KIAA1671: variants seen among roughly 807,000 people sequenced by gnomAD.
KIAA1671 encodes KIAA1671.
In KIAA1671, 52 loss-of-function variants were observed where a neutral mutation model predicts 131.2. The ratio of observed to expected loss-of-function variants is 0.40; its 90% confidence interval spans 0.32 to 0.50. The LOEUF (loss-of-function observed/expected upper bound fraction) is 0.50. KIAA1671 is among the 20% of genes least tolerant of loss of function. The pLI is 0.73. For missense variants in KIAA1671, 2,360 were observed against 2,364.2 expected (o/e 1.00, Z 0.04); for synonymous variants, 1,003 against 961.6 (o/e 1.04, Z -0.80).
At chr22:25,074,391 G>T (rs1260172462) in intron 6 of KIAA1671, among the ~76,000 whole-genome samples, 1 of 149,934 alleles carries the variant, frequency 6.7e-6, no homozygotes, top group Non-Finnish European at 1.5e-5. Context: ...TGTAGTCCCA[G>T]CTACTCGGGA....
chr22:24,956,964 G>T (rs1921742956), intron 1 of KIAA1671, among the ~76,000 whole-genome samples: 1 of 152,018 alleles, frequency 6.6e-6, no homozygotes, highest in Non-Finnish European at 1.5e-5. Flanking sequence ...GTGGCCTTGG[G>T]CATGGTTATG....
intron 6 of KIAA1671, among the ~76,000 whole-genome samples, chr22:25,119,020 T>C (rs541828500): frequency 6.6e-6 from 1 of 152,308 alleles, no homozygotes; most frequent in East Asian, 1.9e-4. Context: ...TCTATACTTA[T>C]TTCATGTCAC....
At chr22:25,140,298 C>A (rs1284495772) in intron 6 of KIAA1671, among the ~76,000 whole-genome samples, 1 of 152,220 alleles carries the variant, frequency 6.6e-6, no homozygotes. Flanking sequence ...TGGGCTTTCT[C>A]ATGGCCATTT....
At chr22:25,077,706 A>C (rs561701713) in intron 6 of KIAA1671, among the ~76,000 whole-genome samples, 3 of 152,182 alleles carry the variant, frequency 2.0e-5, no homozygotes, top group Non-Finnish European at 4.4e-5. Context: ...GTCTCCCTGG[A>C]GATGGGAAAT....
chr22:25,112,634 A>C (rs962088981), intron 6 of KIAA1671: 1 of 379,268 alleles, frequency 2.6e-6, no homozygotes, highest in Non-Finnish European at 4.7e-6. Context: ...AGAGGCACGT[A>C]GCAATAATTC....
At chr22:25,117,325 T>G (rs568655897) in intron 6 of KIAA1671, among the ~76,000 whole-genome samples, 5 of 152,128 alleles carry the variant, frequency 3.3e-5, no homozygotes, top group African/African-American at 1.2e-4. Context: ...GCCCCATACT[T>G]TGTGAATGGA....
Position 25,190,713 on chromosome 22 carries a change from C to T in KIAA1671, c.5354C>T (p.Pro1785Leu), listed in dbSNP as rs1386614040. The change falls in exon 12 of 13, where the codon CCC becomes CTC. Residue 1785 changes from proline (P) to leucine (L), a missense_variant. Pro to Leu is a moderately conservative substitution (Grantham distance 98). Coordinates refer to ENST00000358431, the MANE Select transcript of KIAA1671 (RefSeq NM_001145206.2). Reference protein sequence around the residue: ...SMDKDERSDEPSPQWLKELKS... With the variant: ...SMDKDERSDELSPQWLKELKS... ...CTTTGTGGTTTCAGGTCGGATGAAC[C>T]CTCTCCCCAGTGGCTAAAGGAATTG... is the stretch of plus-strand genomic sequence containing the variant. The T allele has an allele frequency of 1.3e-6, 2 of 1,551,616 alleles. No individual in the cohort carries two copies. Among genetic ancestry groups the T allele is most frequent in the Non-Finnish European group, 1.7e-6 (2 of 1,146,842 alleles).
intron 1 of KIAA1671, among the ~76,000 whole-genome samples, chr22:24,953,569 C>A (rs1921532602): frequency 6.6e-6 from 1 of 151,974 alleles, no homozygotes; most frequent in Non-Finnish European, 1.5e-5. Flanking sequence ...ACCAGGCAGG[C>A]CCGCGTGGTC....
At chr22:25,176,712 C>T (rs1180625568) in intron 8 of KIAA1671, 1 of 152,236 alleles carries the variant, frequency 6.6e-6, no homozygotes, top group Non-Finnish European at 1.5e-5. Flanking sequence ...CTGGGGCCCA[C>T]CCAGATGGTC....
At chr22:25,049,759 C>CCTCT (rs1444363761) in intron 6 of KIAA1671, 1 of 134,170 alleles carries the variant, frequency 7.5e-6, no homozygotes, top group Non-Finnish European at 1.5e-5. Flanking sequence ...GATCTTGATT[C>CCTCT]CTATCTAGCT....
chr22:25,033,576 T>G (rs1207106251), intron 4 of KIAA1671, among the ~76,000 whole-genome samples: 3 of 97,976 alleles, frequency 3.1e-5, no homozygotes, highest in South Asian at 3.9e-4. Flanking sequence ...TTGTTTTCGT[T>G]TTTTTTTTTT....
At chr22:25,045,650 C>T (rs930946439) in intron 5 of KIAA1671, among the ~76,000 whole-genome samples, 3 of 152,120 alleles carry the variant, frequency 2.0e-5, no homozygotes, top group Non-Finnish European at 4.4e-5. Flanking sequence ...AGTGCAGTGG[C>T]AGGATCTTGG....
At chr22:25,021,867 A>G (rs1925688890) in intron 1 of KIAA1671, among the ~76,000 whole-genome samples, 1 of 151,492 alleles carries the variant, frequency 6.6e-6, no homozygotes, top group Non-Finnish European at 1.5e-5. Flanking sequence ...GCTCCCTGCA[A>G]GCTCCACCTC....
chr22:25,052,842 G>A (rs1036743608), intron 6 of KIAA1671: 4 of 152,148 alleles, frequency 2.6e-5, no homozygotes, highest in Admixed American at 2.0e-4. Context: ...TCAGCCTGCT[G>A]AGTAGCTGGG....
intron 1 of KIAA1671, among the ~76,000 whole-genome samples, chr22:25,004,832 G>C (rs1924660040): frequency 6.6e-6 from 1 of 151,802 alleles, no homozygotes; most frequent in African/African-American, 2.4e-5. Flanking sequence ...TGTAGTCCCA[G>C]CTACTCGGGA....
chr22:25,096,853 C>T (rs567070515), intron 6 of KIAA1671, among the ~76,000 whole-genome samples: 24 of 152,312 alleles, frequency 1.6e-4, no homozygotes, highest in Admixed American at 3.9e-4. Context: ...TAGACATGCA[C>T]GTGAACGGAG....
intron 6 of KIAA1671, among the ~76,000 whole-genome samples, chr22:25,105,823 G>GGC (rs1555879106): frequency 6.7e-6 from 1 of 149,528 alleles, no homozygotes; most frequent in Non-Finnish European, 1.5e-5. Context: ...TGAAGTTGGG[G>GGC]GGGGGGGGTG....
intron 6 of KIAA1671, among the ~76,000 whole-genome samples, chr22:25,135,645 T>G (rs1432863043): frequency 1.3e-5 from 2 of 152,226 alleles, no homozygotes; most frequent in Non-Finnish European, 2.9e-5. Flanking sequence ...TATGACCTTT[T>G]AGATGTTATT....
intron 6 of KIAA1671, among the ~76,000 whole-genome samples, chr22:25,107,385 C>A (rs1217465896): frequency 1.3e-5 from 2 of 151,456 alleles, no homozygotes; most frequent in Non-Finnish European, 2.9e-5. Flanking sequence ...CCACTGCACT[C>A]CAGCCTGGGC....
Sources: allele counts gnomAD v4.1 joint callset (sites outside exome capture counted in the v4.1 genomes callset), GRCh38; gene constraint gnomAD v4.1.1; transcripts MANE v1.5; gene names NCBI Gene and HGNC (gene_info 2026-07-23, HGNC 2026-07-21).